The following ERFE variants were observed in gnomAD, a reference collection of about 807,000 sequenced individuals.
ERFE encodes the protein erythroferrone, also known as complement C1q tumor necrosis factor-related protein 15.
In ERFE, 25 loss-of-function variants were observed where a neutral mutation model predicts 26.6. The observed-to-expected ratio is 0.94, with a 90% CI of 0.69 to 1.31. ERFE has a LOEUF of 1.31. Ranked by LOEUF, ERFE falls within the 40% of genes most tolerant of loss-of-function variation. The pLI is 0.00. For missense variants in ERFE, 447 were observed against 440.2 expected (o/e 1.02, Z -0.14); for synonymous variants, 206 against 204.5 (o/e 1.01, Z -0.06).
Position 238,164,311 on chromosome 2 carries a change from G to T in ERFE, c.838G>T (p.Asp280Tyr). ...PPRRGPPRPRDHLRLLICIQS... is the reference protein window; with the variant it reads ...PPRRGPPRPRYHLRLLICIQS... ...GAGGAGGGGGCCGCCGCGCCCCCGG[G>T]ACCACCTGCGCCTGCTCATCTGCAT... is the stretch of plus-strand genomic sequence containing the variant. Residue 280 changes from aspartate (D) to tyrosine (Y), a missense_variant, in exon 6 of 8, where the codon GAC (aspartate) becomes TAC (tyrosine). By Grantham distance (160) the Asp-to-Tyr change is radical (BLOSUM62 -3). Coordinates refer to ENST00000546354, the MANE Select transcript of ERFE (RefSeq NM_001291832.2). 1 of 1,525,184 alleles carries T rather than the reference G, an allele frequency of 6.6e-7. No homozygotes were observed. 94.5% of individuals were successfully genotyped at this position (1,525,184 alleles called of 1,614,324 possible).
chr2:238,164,049 G>C, intron 4 of ERFE, 26 bp from the exon 5 acceptor site: 1 of 1,392,864 alleles, frequency 7.2e-7, no homozygotes, highest in Non-Finnish European at 9.3e-7. Flanking sequence ...GGCGGGAGCC[G>C]GGGTGACCAT....
At chr2:238,165,760 G>A in intron 7 of ERFE, 76 bp downstream of exon 7, 2 of 1,355,732 alleles carry the variant, frequency 1.5e-6, no homozygotes, top group African/African-American at 1.4e-5. Flanking sequence ...GAAGGGTGCT[G>A]TTAGATGCTC....
intron 1 of ERFE, among the ~76,000 whole-genome samples, chr2:238,160,598 C>G (rs1246196428): frequency 6.6e-6 from 1 of 152,174 alleles, no homozygotes; most frequent in African/African-American, 2.4e-5. Flanking sequence ...ACAGGCTCCT[C>G]GGCACCGCAG....
At chr2:238,164,437 G>A (rs1692999181) in intron 6 of ERFE, 77 bp downstream of exon 6, 9 of 1,427,392 alleles carry the variant, frequency 6.3e-6, no homozygotes, top group African/African-American at 4.3e-5. Context: ...AACAGGCACT[G>A]GACGGGGCTT....
intron 1 of ERFE, 51 bp from the exon 2 acceptor site, chr2:238,161,543 T>C: frequency 6.8e-7 from 1 of 1,478,414 alleles, no homozygotes; most frequent in Non-Finnish European, 9.1e-7. Context: ...CCCACCTGCT[T>C]GGTAGGAGCC....
rs1358832443 is a variant in ERFE at position 238,162,743 on chromosome 2, T to C, written c.329T>C (p.Leu110Ser). 1 of 1,547,670 alleles carries C rather than the reference T, an allele frequency of 6.5e-7. No individual in the cohort carries two copies. Among genetic ancestry groups the C allele is most frequent in the African/African-American group, 1.4e-5 (1 of 73,126 alleles). ...GCCAAGGTTCCCTTTCAGTTCGGCT[T>C]GCCAGGGCCCCCTGGGCCTCCCGGT... ...RGKAKKLKFG[L>S]PGPPGPPGPQ... is the part of the protein sequence containing the mutation. Residue 110 changes from leucine to serine, a missense_variant, in exon 3 of 8, where the codon TTG becomes TCG. Physicochemically the swap from Leu to Ser is moderately radical, Grantham distance 145 (BLOSUM62 -2). Transcript: ENST00000546354.
Position 238,167,756 on chromosome 2 carries a change from A to AGAAG in ERFE, c.*704_*707dup. The AGAAG allele has an allele frequency of 3.5e-6, 1 of 283,014 alleles. No homozygotes were observed. The highest frequency in any genetic ancestry group is 7.0e-6 in the Non-Finnish European group (1 of 142,972). The allele number at this position is 283,014 out of a possible 1,614,324, so 17.5% of individuals were successfully genotyped here. A position where few individuals can be genotyped will look rare whatever the true frequency, so the allele number is the denominator to read the frequency against. On this transcript the variant is annotated 3_prime_UTR_variant, in exon 8 of 8. Coordinates refer to ENST00000546354, the MANE Select transcript of ERFE (RefSeq NM_001291832.2). Reference sequence around the variant, plus strand: ...CAAGATTAACTCACAAATTCACCTCAGAAGGCCTTTCCAAATGGGAGCTCC... The same window carrying AGAAG: ...CAAGATTAACTCACAAATTCACCTCAGAAGGAAGGCCTTTCCAAATGGGAGCTCC...
chr2:238,163,221 G>T (rs757340474), intron 3 of ERFE, among the ~76,000 whole-genome samples: 3 of 152,240 alleles, frequency 2.0e-5, no homozygotes, highest in Non-Finnish European at 4.4e-5. Context: ...GCTCAGCCTG[G>T]CACCCACAGT....
intron 3 of ERFE, among the ~76,000 whole-genome samples, chr2:238,163,319 C>T (rs892091724): frequency 1.3e-5 from 2 of 152,206 alleles, no homozygotes; most frequent in African/African-American, 4.8e-5. Context: ...TCCTGCAGAG[C>T]GGCGGCTCAC....
At chr2:238,165,448 T>C (rs975982045) in intron 6 of ERFE, 158 bp from the exon 7 acceptor site, 3 of 615,540 alleles carry the variant, frequency 4.9e-6, no homozygotes, top group Middle Eastern at 4.2e-4. Flanking sequence ...TCCTTCCTCC[T>C]CTTGGGGACT....
rs964778763 is a variant in ERFE at position 238,163,900 on chromosome 2, G to A, written c.588G>A (p.Gly196=). 15 of 1,317,764 alleles carry A rather than the reference G, an allele frequency of 1.1e-5. No individual in the cohort carries two copies. The highest frequency in any genetic ancestry group is 7.8e-5 in the African/African-American group (5 of 64,324). The allele number at this position is 1,317,764 out of a possible 1,614,324, so 81.6% of individuals were successfully genotyped here. A position where few individuals can be genotyped will look rare whatever the true frequency, so the allele number is the denominator to read the frequency against. Residue 196 remains glycine, a synonymous_variant, in exon 4 of 8, where the codon GGG becomes GGA. Transcript: ENST00000546354. ...TGCTGGCCGCGCCCCTGGCCCCGGGGCCGCGGGCGCCGCGCGTGGAGGCCG... is the reference window on the plus strand; with the variant it reads ...TGCTGGCCGCGCCCCTGGCCCCGGGACCGCGGGCGCCGCGCGTGGAGGCCG... ...LALLAAPLAP[G]PRAPRVEAAF...
chr2:238,166,663 C>T (rs570863514), intron 7 of ERFE, among the ~76,000 whole-genome samples: 6 of 152,370 alleles, frequency 3.9e-5, no homozygotes, highest in African/African-American at 1.4e-4. Flanking sequence ...TCTGAGAAGC[C>T]CTGCAGCTGA....
At chr2:238,161,106 T>C (rs1692931627) in intron 1 of ERFE, among the ~76,000 whole-genome samples, 1 of 152,200 alleles carries the variant, frequency 6.6e-6, no homozygotes, top group Non-Finnish European at 1.5e-5. Flanking sequence ...TTTGCCTCCT[T>C]AGAACTTCTG....
chr2:238,164,262 C>T lies in ERFE; in HGVS notation c.797-8C>T. On this transcript the variant is annotated splice_region_variant and splice_polypyrimidine_tract_variant and intron_variant, in intron 5 of 7. Transcript: ENST00000546354. ...GCCCGCTTGACCACGTCCCACCCTC[C>T]CCCGCAGCGCTCGGGGAGCCGCCGA... is the stretch of plus-strand genomic sequence containing the variant. 2 of 1,501,474 alleles carry T rather than the reference C, an allele frequency of 1.3e-6. No homozygotes were observed. Among genetic ancestry groups the T allele is most frequent in the East Asian group, 2.7e-5 (1 of 37,692 alleles). 93.0% of individuals were successfully genotyped at this position (1,501,474 alleles called of 1,614,324 possible).
chr2:238,166,736 G>A (rs1017097353), intron 7 of ERFE, among the ~76,000 whole-genome samples: 6 of 152,230 alleles, frequency 3.9e-5, no homozygotes, highest in Non-Finnish European at 5.9e-5. Context: ...CCACACACGC[G>A]AACTGTAGGG....
rs750035347 is a variant in ERFE at position 238,168,383 on chromosome 2, C to CTGG, written c.*1332_*1334dup. 4.2e-6 allele frequency: 2 copies of CTGG among 471,070 alleles called. No individual in the cohort carries two copies. Among genetic ancestry groups the CTGG allele is most frequent in the South Asian group, 3.1e-5 (2 of 64,566 alleles). The allele number at this position is 471,070 out of a possible 1,614,324, so 29.2% of individuals were successfully genotyped here. A position where few individuals can be genotyped will look rare whatever the true frequency, so the allele number is the denominator to read the frequency against. On this transcript the variant is annotated 3_prime_UTR_variant, in exon 8 of 8. Transcript: ENST00000546354. ...CCCCACACAACAGGCTACGAAGAAC[C>CTGG]TGGTGCCTCAGGACCTCCTGGGAGC...
At chr2:238,162,363 C>A (rs1692951324) in intron 2 of ERFE, among the ~76,000 whole-genome samples, 4 of 152,248 alleles carry the variant, frequency 2.6e-5, no homozygotes, top group Admixed American at 2.0e-4. Flanking sequence ...GTTCGGGTCC[C>A]AACCCAGCCT....
chr2:238,161,196 C>T (rs1415054526), intron 1 of ERFE, among the ~76,000 whole-genome samples: 1 of 152,218 alleles, frequency 6.6e-6, no homozygotes, highest in Non-Finnish European at 1.5e-5. Flanking sequence ...TCCTGAGCAC[C>T]TATGGGTGCT....
At position 238,167,066 on chromosome 2, in the gene ERFE, A is replaced by G; in HGVS notation, c.*12A>G. On this transcript the variant is annotated 3_prime_UTR_variant, in exon 8 of 8. Transcript: ENST00000546354. ...TCCTGGGCGTGTGAGCGGCCACCAC[A>G]GGCCCTTCCTCTCAGGGGCAAATGG... The G allele has an allele frequency of 6.5e-7, 1 of 1,549,238 alleles. No homozygotes were observed. Among genetic ancestry groups the G allele is most frequent in the East Asian group, 2.4e-5 (1 of 40,902 alleles).
Sources: gnomAD v4.1 joint callset for allele counts (sites outside exome capture counted in the v4.1 genomes callset) on GRCh38, gnomAD v4.1.1 for gene constraint, MANE v1.5 for transcripts, NCBI Gene and HGNC (gene_info 2026-07-23, HGNC 2026-07-21) for gene names.